LARP7: variants seen among roughly 807,000 people sequenced by gnomAD.
LARP7 encodes the protein la-related protein 7.
Under a neutral mutation model 69.3 loss-of-function variants are expected in LARP7, and 52 were observed. That is an observed-to-expected ratio of 0.75 (90% confidence interval 0.60 to 0.95). The LOEUF is 0.95. Ranked by LOEUF, LARP7 falls within the 40% of genes least tolerant of loss-of-function variation. The pLI, the probability that LARP7 is intolerant of heterozygous loss-of-function variation, is 0.00. For synonymous variants in LARP7, 254 were observed against 215.9 expected (o/e 1.18, Z -1.55); for missense variants, 733 against 673.0 (o/e 1.09, Z -0.99).
intron 1 of LARP7, among the ~76,000 whole-genome samples, chr4:112,641,114 C>T (rs1183611072): frequency 6.6e-6 from 1 of 152,096 alleles, no homozygotes; most frequent in Non-Finnish European, 1.5e-5. Context: ...GATAAGAAAC[C>T]TCTGAGCTGG....
intron 2 of LARP7, chr4:112,645,690 T>TC (rs1336642632): frequency 2.2e-6 from 1 of 445,698 alleles, no homozygotes; most frequent in Non-Finnish European, 4.5e-6. Flanking sequence ...GGCTTTTTTT[T>TC]CTGGCATTTT....
chr4:112,647,466 C>T lies in LARP7; in HGVS notation c.914C>T (p.Ser305Phe), dbSNP rs1171760413. ...AGAAGCAGCTCTGAAGATGCAGAATCCCTAGCTCCCCGATCAAAAGTAAAG... is the reference window on the plus strand; with the variant it reads ...AGAAGCAGCTCTGAAGATGCAGAATTCCTAGCTCCCCGATCAAAAGTAAAG... ...RKRSSSEDAE[S>F]LAPRSKVKKI... The change falls in exon 7 of 13, where the codon TCC (serine) becomes TTC (phenylalanine). Residue 305 changes from serine to phenylalanine, a missense_variant. Physicochemically the swap from Ser to Phe is radical, Grantham distance 155. Coordinates refer to ENST00000344442, the MANE Select transcript of LARP7 (RefSeq NM_016648.4). 3.7e-6 allele frequency: 6 copies of T among 1,613,736 alleles called. No individual in the cohort carries two copies. Among genetic ancestry groups the T allele is most frequent in the Non-Finnish European group, 5.1e-6 (6 of 1,179,860 alleles).
At position 112,638,099 on chromosome 4, in the gene LARP7, C is replaced by G. The variant is rs536798777; in HGVS notation, c.-3+860C>G. The G allele has an allele frequency of 2.0e-5, 3 of 152,344 alleles. No individual in the cohort carries two copies. In the East Asian group the frequency reaches 5.8e-4, roughly 29 times the overall value. 9.4% of individuals were successfully genotyped at this position (152,344 alleles called of 1,614,324 possible). On this transcript the variant is annotated intron_variant, in intron 1 of 12. Transcript: ENST00000344442. ...TCACTTGAGGTCAGGAGTTCGAGAC[C>G]AGCCTGGCCAATATGGCAAAATCTC...
Position 112,646,947 on chromosome 4 carries a change from G to A in LARP7, c.544G>A (p.Ala182Thr). 6.3e-7 allele frequency: 1 copy of A among 1,599,928 alleles called. No homozygotes were observed. Among genetic ancestry groups the A allele is most frequent in the Non-Finnish European group, 8.5e-7 (1 of 1,176,550 alleles). ...EFETKEQAAK[A>T]IEFLNNPPEE... Reference sequence around the variant, plus strand: ...TGAAACAAAAGAACAAGCAGCAAAAGCAATTGAGGTAAGTCCAGATCCTAA... The same window carrying A: ...TGAAACAAAAGAACAAGCAGCAAAAACAATTGAGGTAAGTCCAGATCCTAA... Residue 182 changes from alanine (A) to threonine (T), a missense_variant, in exon 5 of 13, where the codon GCA becomes ACA. Transcript: ENST00000344442.
intron 1 of LARP7, among the ~76,000 whole-genome samples, chr4:112,642,474 A>G (rs555553589): frequency 6.6e-6 from 1 of 152,332 alleles, no homozygotes; most frequent in African/African-American, 2.4e-5. Context: ...GGTGAAATGC[A>G]TTAAGGGCTT....
chr4:112,639,933 C>T (rs1355355393), intron 1 of LARP7, among the ~76,000 whole-genome samples: 1 of 151,672 alleles, frequency 6.6e-6, no homozygotes, highest in Admixed American at 6.6e-5. Context: ...TAATTATAGC[C>T]TACGTTTGTG....
At chr4:112,645,431 C>A in intron 2 of LARP7, 1 of 444,044 alleles carries the variant, frequency 2.3e-6, no homozygotes, top group Non-Finnish European at 4.5e-6. Context: ...GCTTCAATAA[C>A]CATTCATCAT....
At position 112,646,688 on chromosome 4, in the gene LARP7, G is replaced by A. The variant is rs745823007; in HGVS notation, c.387+17G>A. 41 of 1,578,626 alleles carry A rather than the reference G, an allele frequency of 2.6e-5. No homozygotes were observed. The South Asian group carries it at 3.4e-4, about 13-fold the overall frequency. On this transcript the variant is annotated intron_variant, in intron 4 of 12. Coordinates refer to ENST00000344442, the MANE Select transcript of LARP7 (RefSeq NM_016648.4). ...GTGTATGTGGTAAGCTTAAGAACCC[G>A]GGTCCCCAGTCAGAAACTGGCACAG...
At chr4:112,639,924 A>C (rs939152876) in intron 1 of LARP7, among the ~76,000 whole-genome samples, 1 of 152,082 alleles carries the variant, frequency 6.6e-6, no homozygotes, top group Non-Finnish European at 1.5e-5. Flanking sequence ...AATAATTGAT[A>C]ATTATAGCCT....
chr4:112,647,401 A>G lies in LARP7; in HGVS notation c.849A>G (p.Glu283=), dbSNP rs373634124. Reference sequence around the variant, plus strand: ...AAAAGAAAAAACGGGACAGAGTTGAAGCATCTAGCTTACCTGAAGTCAGAA... The same window carrying G: ...AAAAGAAAAAACGGGACAGAGTTGAGGCATCTAGCTTACCTGAAGTCAGAA... ...SKKKKKRDRV[E]ASSLPEVRTG... The change falls in exon 7 of 13, where the codon GAA becomes GAG. Residue 283 remains glutamate (E), a synonymous_variant. Transcript: ENST00000344442. 3.4e-5 allele frequency: 55 copies of G among 1,614,118 alleles called. No homozygotes were observed. In the Middle Eastern group the frequency reaches 8.2e-4, roughly 24 times the overall value.
At chr4:112,655,360 T>C (rs1291137746) in intron 12 of LARP7, 1 of 152,258 alleles carries the variant, frequency 6.6e-6, no homozygotes, top group South Asian at 2.1e-4. Flanking sequence ...TTTAAAAATT[T>C]AGAGCTCATC....
chr4:112,646,315 GATACACTAAC>G (rs745867577), intron 2 of LARP7, 26 bp from the exon 3 acceptor site: 4 of 1,055,048 alleles, frequency 3.8e-6, no homozygotes, highest in Non-Finnish European at 5.8e-6. Flanking sequence ...TAATCCTGCT[GATACACTAAC>G]ATATTAACTT....
intron 12 of LARP7, among the ~76,000 whole-genome samples, chr4:112,655,075 A>G (rs899060789): frequency 6.6e-6 from 1 of 151,476 alleles, no homozygotes; most frequent in African/African-American, 2.4e-5. Flanking sequence ...CCCAGAATTT[A>G]TCGTGATTTG....
chr4:112,640,601 G>A (rs2047922717), intron 1 of LARP7, among the ~76,000 whole-genome samples: 1 of 152,224 alleles, frequency 6.6e-6, no homozygotes, highest in African/African-American at 2.4e-5. Context: ...TTAGGAGGCT[G>A]AGGCAGGAGA....
At chr4:112,641,164 G>A (rs138755445) in intron 1 of LARP7, among the ~76,000 whole-genome samples, 1 of 152,078 alleles carries the variant, frequency 6.6e-6, no homozygotes, top group Non-Finnish European at 1.5e-5. Context: ...ACTTCGGGAG[G>A]CCAAGGCAGG....
In LARP7 at chr4:112,647,843, G is replaced by A. The variant is rs766407669; in HGVS notation, c.1142+9G>A. On this transcript the variant is annotated intron_variant, in intron 8 of 12. Transcript: ENST00000344442. The stretch of plus-strand genomic sequence containing the variant: ...TTAAGAGTGCTATCAAAGTAAGTCT[G>A]TGGTTTAAATTCTGTCATTGGCTTA... 1.3e-6 allele frequency: 2 copies of A among 1,567,208 alleles called. No individual in the cohort carries two copies. The highest frequency in any genetic ancestry group is 1.7e-6 in the Non-Finnish European group (2 of 1,143,146).
At chr4:112,652,294 C>CCG (rs1560948782) in intron 10 of LARP7, among the ~76,000 whole-genome samples, 3 of 60,122 alleles carry the variant, frequency 5.0e-5, no homozygotes, top group African/African-American at 2.0e-4. Context: ...AATAAGATTT[C>CCG]CCCCCCCCCC....
intron 5 of LARP7, 36 bp from the exon 6 acceptor site, chr4:112,646,998 C>G: frequency 1.9e-6 from 3 of 1,567,538 alleles, no homozygotes; most frequent in Non-Finnish European, 2.6e-6. Context: ...GAAAAGAAAA[C>G]AAGTATTAAA....
intron 12 of LARP7, among the ~76,000 whole-genome samples, chr4:112,655,890 G>A (rs1445676954): frequency 2.6e-5 from 4 of 152,242 alleles, no homozygotes; most frequent in Admixed American, 6.5e-5. Flanking sequence ...TGCAGAGACC[G>A]GAAGGGAAGA....
Sources: gnomAD v4.1 joint callset for allele counts (sites outside exome capture counted in the v4.1 genomes callset) on GRCh38, gnomAD v4.1.1 for gene constraint, MANE v1.5 for transcripts, NCBI Gene and HGNC (gene_info 2026-07-23, HGNC 2026-07-21) for gene names.